The following VTI1A variants were observed in gnomAD, a reference collection of about 807,000 sequenced individuals.
VTI1A encodes the protein vesicle transport through interaction with t-SNAREs homolog 1A.
Under a neutral mutation model 34.9 loss-of-function variants are expected in VTI1A, and 22 were observed. The observed-to-expected ratio is 0.63, with a 90% CI of 0.45 to 0.90. The LOEUF is 0.90. Ranked by LOEUF, VTI1A falls within the 40% of genes least tolerant of loss-of-function variation. VTI1A has a pLI of 0.00. For missense variants in VTI1A, 268 were observed against 275.6 expected, an observed-to-expected ratio of 0.97 and a Z score of 0.20; for synonymous variants, 87 against 97.3, an observed-to-expected ratio of 0.89 and a Z score of 0.62.
In VTI1A at chr10:112,447,327, T is replaced by G; in HGVS notation, c.-47T>G. The G allele has an allele frequency of 6.3e-7, 1 of 1,590,518 alleles. No homozygotes were observed. Among genetic ancestry groups the G allele is most frequent in the Admixed American group, 1.7e-5 (1 of 57,724 alleles). ...GGCCCCTCGCTGCCCCTCGAGGCCC[T>G]TTCCCTGACCTAGGCTTTGGCCTGG... is the stretch of plus-strand genomic sequence containing the variant. On this transcript the variant is annotated 5_prime_UTR_variant, in exon 1 of 8. Coordinates refer to ENST00000393077, the MANE Select transcript of VTI1A (RefSeq NM_145206.4).
intron 7 of VTI1A, among the ~76,000 whole-genome samples, chr10:112,738,286 A>G (rs1245550787): frequency 2.0e-5 from 3 of 152,172 alleles, no homozygotes; most frequent in East Asian, 3.9e-4. Flanking sequence ...CCCAGCTTCA[A>G]TGTTAACTTC....
chr10:112,545,633 C>T (rs1415091031), intron 5 of VTI1A, among the ~76,000 whole-genome samples: 2 of 152,108 alleles, frequency 1.3e-5, no homozygotes, highest in African/African-American at 4.8e-5. Context: ...GTTGACATCC[C>T]CTGGGAGCTT....
chr10:112,523,498 T>C (rs1417128678), intron 3 of VTI1A, among the ~76,000 whole-genome samples: 2 of 152,162 alleles, frequency 1.3e-5, no homozygotes, highest in African/African-American at 4.8e-5. Context: ...CCAAAGTATG[T>C]AAGTTAGAAG....
At chr10:112,460,700 A>G (rs1847702030) in intron 2 of VTI1A, 118 bp downstream of exon 2, 1 of 745,882 alleles carries the variant, frequency 1.3e-6, no homozygotes, top group East Asian at 3.3e-5. Flanking sequence ...GCATTTTATA[A>G]TTCAGAATTT....
chr10:112,711,671 T>A (rs1418800152), intron 7 of VTI1A, among the ~76,000 whole-genome samples: 3 of 152,182 alleles, frequency 2.0e-5, no homozygotes, highest in Non-Finnish European at 4.4e-5. Flanking sequence ...ATCCCAAATC[T>A]TGTGGGGAAC....
intron 5 of VTI1A, among the ~76,000 whole-genome samples, chr10:112,633,855 TAAA>T (rs77279275): frequency 8.0e-6 from 1 of 125,552 alleles, no homozygotes; most frequent in Non-Finnish European, 1.7e-5. Context: ...GGCTCTAGAC[TAAA>T]AAAAAAAAAA....
intron 1 of VTI1A, among the ~76,000 whole-genome samples, chr10:112,458,553 C>G (rs1847620558): frequency 6.6e-6 from 1 of 152,074 alleles, no homozygotes; most frequent in African/African-American, 2.4e-5. Context: ...ACTGTTCCCC[C>G]TCTGTAGTTT....
rs146538669 is a variant in VTI1A, at chr10:112,622,029, G to A, written c.428-46189G>A. Among the ~76,000 whole-genome samples the A allele has an allele frequency of 6.8e-3, 1,037 of 152,202 alleles. 9 individuals are homozygous for A. Among genetic ancestry groups the A allele is most frequent in the African/African-American group, 0.023 (972 of 41,518 alleles). ...GGAGACAGAGAGAGAGAGAGAGTTGGGGTGCTTATTTTAACTCTGGTTCTA... is the reference window on the plus strand; with the variant it reads ...GGAGACAGAGAGAGAGAGAGAGTTGAGGTGCTTATTTTAACTCTGGTTCTA... On this transcript the variant is annotated intron_variant, in intron 5 of 7. Transcript: ENST00000393077.
intron 7 of VTI1A, among the ~76,000 whole-genome samples, chr10:112,732,706 A>G (rs1160619203): frequency 1.3e-5 from 2 of 152,174 alleles, no homozygotes; most frequent in African/African-American, 4.8e-5. Context: ...ACAAATGTTA[A>G]TTAATCTTCC....
chr10:112,520,600 A>G (rs940765614), intron 3 of VTI1A, among the ~76,000 whole-genome samples: 5 of 148,168 alleles, frequency 3.4e-5, no homozygotes, highest in Admixed American at 1.4e-4. Context: ...ATGGATTGCA[A>G]ATGGGTTTTT....
In VTI1A at chr10:112,558,320, T is replaced by A. The variant is rs1010589184; in HGVS notation, c.427+19990T>A. Among the ~76,000 whole-genome samples the A allele has an allele frequency of 2.6e-5, 4 of 152,104 alleles. No individual in the cohort carries two copies. In the South Asian group the frequency reaches 6.2e-4, roughly 24 times the overall value. On this transcript the variant is annotated intron_variant, in intron 5 of 7. Coordinates refer to ENST00000393077, the MANE Select transcript of VTI1A (RefSeq NM_145206.4). Reference sequence around the variant, plus strand: ...AGGATCCTGTCGTCCTTTAATTTTTTTAAAAAAAAGTCATGCCCTTTAATA... The same window carrying A: ...AGGATCCTGTCGTCCTTTAATTTTTATAAAAAAAAGTCATGCCCTTTAATA...
chr10:112,447,150 C>T, upstream of VTI1A: 1 of 530,000 alleles, frequency 1.9e-6, no homozygotes, highest in Non-Finnish European at 3.4e-6. Context: ...ACTTACTTAT[C>T]TTAAAGTCGG....
chr10:112,678,979 G>GTT (rs11411675), intron 7 of VTI1A, among the ~76,000 whole-genome samples: 4 of 151,858 alleles, frequency 2.6e-5, no homozygotes, highest in African/African-American at 9.7e-5. Context: ...TTTCATTTTT[G>GTT]TTTTTTTCTA....
chr10:112,545,446 T>C (rs1851042011), intron 5 of VTI1A, among the ~76,000 whole-genome samples: 1 of 152,236 alleles, frequency 6.6e-6, no homozygotes, highest in African/African-American at 2.4e-5. Flanking sequence ...CACAATAAAA[T>C]AATAAATATA....
At chr10:112,679,725 C>T (rs574769821) in intron 7 of VTI1A, among the ~76,000 whole-genome samples, 14 of 151,756 alleles carry the variant, frequency 9.2e-5, no homozygotes, top group Admixed American at 6.6e-5. Flanking sequence ...TTCCACTGCC[C>T]ACCTATCTTC....
At chr10:112,594,523 C>A (rs1268933025) in intron 5 of VTI1A, among the ~76,000 whole-genome samples, 1 of 151,968 alleles carries the variant, frequency 6.6e-6, no homozygotes, top group African/African-American at 2.4e-5. Flanking sequence ...CAATAACAGA[C>A]AAACAGAGCC....
intron 1 of VTI1A, among the ~76,000 whole-genome samples, chr10:112,448,209 A>G (rs915084194): frequency 6.6e-6 from 1 of 152,130 alleles, no homozygotes; most frequent in Non-Finnish European, 1.5e-5. Flanking sequence ...CTGTATTAGC[A>G]TTAGTATTTT....
At chr10:112,464,372 C>T (rs1394317594) in intron 2 of VTI1A, among the ~76,000 whole-genome samples, 175 bp from the exon 3 acceptor site, 2 of 152,204 alleles carry the variant, frequency 1.3e-5, no homozygotes, top group Non-Finnish European at 1.5e-5. Context: ...AATTGTTGAA[C>T]TAAAGAAAAA....
At chr10:112,636,521 C>T (rs993540944) in intron 5 of VTI1A, among the ~76,000 whole-genome samples, 3 of 151,708 alleles carry the variant, frequency 2.0e-5, no homozygotes, top group Admixed American at 6.6e-5. Context: ...GTCAAGAGAT[C>T]GAGACCATCC....
Sources: gnomAD v4.1 joint callset for allele counts (sites outside exome capture counted in the v4.1 genomes callset) on GRCh38, gnomAD v4.1.1 for gene constraint, MANE v1.5 for transcripts, NCBI Gene and HGNC (gene_info 2026-07-23, HGNC 2026-07-21) for gene names.